Variants in JARID2 observed in about 807,000 individuals in gnomAD.
The protein encoded by JARID2 is protein Jumonji.
A neutral mutation model predicts 125.6 loss-of-function variants in JARID2; 21 were observed. The observed-to-expected ratio is 0.17, with a 90% CI of 0.12 to 0.24. The LOEUF (loss-of-function observed/expected upper bound fraction) is 0.24. Ranked by LOEUF, JARID2 falls within the 10% of genes least tolerant of loss-of-function variation. The pLI is 1.00. For synonymous variants in JARID2, 736 were observed against 661.6 expected (o/e 1.11, Z -1.73); for missense variants, 1,303 against 1,639.6 (o/e 0.79, Z 3.55).
intron 1 of JARID2, among the ~76,000 whole-genome samples, chr6:15,350,899 C>T (rs1168147944): frequency 6.6e-6 from 1 of 151,802 alleles, no homozygotes; most frequent in Non-Finnish European, 1.5e-5. Context: ...GGAAGACGGT[C>T]CTCAAAGTTA....
intron 1 of JARID2, among the ~76,000 whole-genome samples, chr6:15,319,146 T>C (rs1762271536): frequency 6.6e-6 from 1 of 152,224 alleles, no homozygotes; most frequent in East Asian, 1.9e-4. Context: ...GCTGTCTGTC[T>C]GTCTCTCATA....
intron 1 of JARID2, among the ~76,000 whole-genome samples, chr6:15,270,117 A>G (rs1480487946): frequency 6.6e-6 from 1 of 152,068 alleles, no homozygotes; most frequent in East Asian, 1.9e-4. Flanking sequence ...TCCTTCCTTC[A>G]GTCCGTCCAT....
chr6:15,271,420 T>G (rs530364964), intron 1 of JARID2, among the ~76,000 whole-genome samples: 1 of 152,362 alleles, frequency 6.6e-6, no homozygotes, highest in South Asian at 2.1e-4. Context: ...TTCTTTTTTC[T>G]TTTTTAAATC....
chr6:15,468,415 A>G (rs1056176027), intron 4 of JARID2, 127 bp from the exon 5 acceptor site: 24 of 730,684 alleles, frequency 3.3e-5, no homozygotes, highest in Admixed American at 7.2e-5. Flanking sequence ...TGAAAAATAA[A>G]TTTAAAATGG....
intron 1 of JARID2, among the ~76,000 whole-genome samples, chr6:15,324,798 T>C (rs1001218940): frequency 6.6e-6 from 1 of 151,800 alleles, no homozygotes; most frequent in Non-Finnish European, 1.5e-5. Flanking sequence ...AACTGCTTTT[T>C]GAGTTAATAT....
chr6:15,345,314 A>G (rs903740531), intron 1 of JARID2, among the ~76,000 whole-genome samples: 2 of 152,338 alleles, frequency 1.3e-5, no homozygotes, highest in Admixed American at 6.5e-5. Context: ...AAATTCACCA[A>G]GTTGGTACCT....
chr6:15,471,252 G>C, intron 5 of JARID2, among the ~76,000 whole-genome samples: 1 of 152,192 alleles, frequency 6.6e-6, no homozygotes, highest in East Asian at 1.9e-4. Flanking sequence ...AATACACCAG[G>C]AATTTATCAT....
chr6:15,520,265 C>T lies in JARID2; in HGVS notation c.*14C>T, dbSNP rs774963670. Reference sequence around the variant, plus strand: ...AGCTCATCATGAAGATGCCAACGCCCGTGGTCGATTTATATATATTTTTTT... The same window carrying T: ...AGCTCATCATGAAGATGCCAACGCCTGTGGTCGATTTATATATATTTTTTT... On this transcript the variant is annotated 3_prime_UTR_variant, in exon 18 of 18. Coordinates refer to ENST00000341776, the MANE Select transcript of JARID2 (RefSeq NM_004973.4). 59 of 1,566,164 alleles carry T rather than the reference C, an allele frequency of 3.8e-5. No homozygotes were observed. The highest frequency in any genetic ancestry group is 4.8e-5 in the Non-Finnish European group (56 of 1,159,198).
chr6:15,469,768 T>C (rs1768980682), intron 5 of JARID2, among the ~76,000 whole-genome samples: 2 of 152,024 alleles, frequency 1.3e-5, no homozygotes, highest in African/African-American at 2.4e-5. Flanking sequence ...TGACCGAAGG[T>C]TGTCCAGTAG....
intron 1 of JARID2, among the ~76,000 whole-genome samples, chr6:15,359,243 G>T (rs928167764): frequency 2.0e-5 from 3 of 152,192 alleles, no homozygotes; most frequent in Admixed American, 6.5e-5. Flanking sequence ...GAGTGGGAAT[G>T]ATTTTCTGCA....
Position 15,492,136 on chromosome 6 carries a change from C to T in JARID2, c.907-3996C>T, listed in dbSNP as rs757959117. ...GGATGGCTGTGGGCCAAGGAGCACACGCTGCAGACACCTCACTTTCTGCAG... is the reference window on the plus strand; with the variant it reads ...GGATGGCTGTGGGCCAAGGAGCACATGCTGCAGACACCTCACTTTCTGCAG... On this transcript the variant is annotated intron_variant, in intron 6 of 17. Coordinates refer to ENST00000341776, the MANE Select transcript of JARID2 (RefSeq NM_004973.4). Among the ~76,000 whole-genome samples, 8 of 152,350 alleles carry T rather than the reference C, an allele frequency of 5.3e-5. No individual in the cohort carries two copies. The South Asian group carries it at 1.0e-3, about 20-fold the overall frequency.
chr6:15,494,413 CTTTTTTT>C (rs60218567), intron 6 of JARID2, among the ~76,000 whole-genome samples: 7 of 80,586 alleles, frequency 8.7e-5, no homozygotes, highest in East Asian at 4.3e-4. Flanking sequence ...TTTGGCAAGT[CTTTTTTT>C]TTTTTTTTTT....
At chr6:15,383,168 A>T (rs1445207912) in intron 2 of JARID2, among the ~76,000 whole-genome samples, 1 of 146,184 alleles carries the variant, frequency 6.8e-6, no homozygotes, top group South Asian at 2.2e-4. Context: ...GTAGTCTAGA[A>T]TTTTTTTTTT....
chr6:15,382,069 C>G (rs1176391124), intron 2 of JARID2, among the ~76,000 whole-genome samples: 1 of 152,078 alleles, frequency 6.6e-6, no homozygotes, highest in Non-Finnish European at 1.5e-5. Context: ...GGATCATGAG[C>G]CTGGCCAACA....
intron 3 of JARID2, among the ~76,000 whole-genome samples, chr6:15,443,015 TTTAG>T (rs1414151214): frequency 6.6e-6 from 1 of 152,168 alleles, no homozygotes; most frequent in African/African-American, 2.4e-5. Context: ...CTTGTAGATA[TTTAG>T]TGCTATTATC....
intron 1 of JARID2, among the ~76,000 whole-genome samples, chr6:15,299,436 A>G (rs1761527209): frequency 6.6e-6 from 1 of 152,132 alleles, no homozygotes; most frequent in Non-Finnish European, 1.5e-5. Flanking sequence ...GGGAACCAAA[A>G]CATTTGTTGA....
intron 1 of JARID2, among the ~76,000 whole-genome samples, chr6:15,307,438 G>T (rs1465803973): frequency 1.3e-5 from 2 of 152,058 alleles, no homozygotes; most frequent in Non-Finnish European, 2.9e-5. Flanking sequence ...GCCCAGGCTG[G>T]TCTCAGACGA....
At chr6:15,386,735 C>T (rs973190556) in intron 2 of JARID2, among the ~76,000 whole-genome samples, 1 of 152,198 alleles carries the variant, frequency 6.6e-6, no homozygotes, top group Non-Finnish European at 1.5e-5. Context: ...CAGAATGTGC[C>T]GAATGTCTGA....
intron 5 of JARID2, among the ~76,000 whole-genome samples, chr6:15,482,714 A>G (rs1376365602): frequency 6.6e-6 from 1 of 152,242 alleles, no homozygotes; most frequent in Non-Finnish European, 1.5e-5. Context: ...AGATGATTTC[A>G]GTACTTGATA....
Sources: gnomAD v4.1 joint callset for allele counts (sites outside exome capture counted in the v4.1 genomes callset) on GRCh38, gnomAD v4.1.1 for gene constraint, MANE v1.5 for transcripts, NCBI Gene and HGNC (gene_info 2026-07-23, HGNC 2026-07-21) for gene names.